The following MGST1 variants were observed in gnomAD, a reference collection of about 807,000 sequenced individuals.
MGST1 encodes the protein microsomal glutathione S-transferase 1, also known as glutathione S-transferase 12.
Under a neutral mutation model 8.9 loss-of-function variants are expected in MGST1, and 5 were observed. That is an observed-to-expected ratio of 0.56 (90% CI 0.29 to 1.19). MGST1 has a LOEUF of 1.19. MGST1 is among the 50% of genes most tolerant of loss of function. The pLI is 0.08. For missense variants in MGST1, 182 were observed against 187.4 expected, an observed-to-expected ratio of 0.97 and a Z score of 0.17; for synonymous variants, 54 against 67.8, an observed-to-expected ratio of 0.80 and a Z score of 1.00.
At chr12:16,432,303 G>T (rs1037702878) in intron 1 of MGST1, among the ~76,000 whole-genome samples, 1 of 152,194 alleles carries the variant, frequency 6.6e-6, no homozygotes, top group East Asian at 1.9e-4. Flanking sequence ...AACTTATCAC[G>T]TAGTGGATTC....
intron 4 of MGST1, among the ~76,000 whole-genome samples, chr12:16,466,194 C>T (rs1413624575): frequency 5.3e-5 from 8 of 152,140 alleles, no homozygotes; most frequent in Non-Finnish European, 1.5e-5. Context: ...CATTCATTGG[C>T]AGCTAGTCCC....
At chr12:16,425,877 C>T (rs1232066143) in intron 1 of MGST1, among the ~76,000 whole-genome samples, 1 of 152,176 alleles carries the variant, frequency 6.6e-6, no homozygotes, top group Non-Finnish European at 1.5e-5. Context: ...ATTTTCAAAC[C>T]TCTTCTCTCA....
intron 4 of MGST1, among the ~76,000 whole-genome samples, chr12:16,538,235 A>G (rs1223607066): frequency 6.6e-6 from 1 of 152,174 alleles, no homozygotes; most frequent in Non-Finnish European, 1.5e-5. Context: ...CCTTTGCTCC[A>G]GTTCCCAAGT....
At chr12:16,398,744 C>T (rs1228148614) in intron 1 of MGST1, among the ~76,000 whole-genome samples, 16 of 152,220 alleles carry the variant, frequency 1.1e-4, no homozygotes, top group Admixed American at 9.2e-4. Flanking sequence ...CCCAATCTGC[C>T]TCACTGGCTC....
intron 1 of MGST1, among the ~76,000 whole-genome samples, chr12:16,427,501 G>GCCTC (rs1940900650): frequency 6.6e-6 from 1 of 152,124 alleles, no homozygotes; most frequent in Non-Finnish European, 1.5e-5. Context: ...ACATGCCTCA[G>GCCTC]CCACTTGAGT....
chr12:16,554,021 T>TA (rs1200284992), intron 4 of MGST1, among the ~76,000 whole-genome samples: 1 of 152,266 alleles, frequency 6.6e-6, no homozygotes, highest in East Asian at 1.9e-4. Flanking sequence ...TACCCTCATT[T>TA]AAAAAAATTA....
chr12:16,532,307 C>T (rs576533399), intron 4 of MGST1, among the ~76,000 whole-genome samples: 17 of 152,192 alleles, frequency 1.1e-4, no homozygotes, highest in African/African-American at 3.4e-4. Flanking sequence ...GCATAAAAAA[C>T]GCCAAGGCCA....
chr12:16,506,786 A>G (rs1234954085), intron 4 of MGST1, among the ~76,000 whole-genome samples: 1 of 152,214 alleles, frequency 6.6e-6, no homozygotes, highest in African/African-American at 2.4e-5. Context: ...TTGACTGAAC[A>G]CTGGTATAGA....
downstream of MGST1, among the ~76,000 whole-genome samples, chr12:16,366,845 A>G (rs1450206470): frequency 6.6e-6 from 1 of 152,092 alleles, no homozygotes; most frequent in African/African-American, 2.4e-5. This position sits in a 1 kb window ranked among gnomAD's most constrained non-coding sequence, Gnocchi z 4.0. Context: ...GAAGATATTT[A>G]TCTGTATCTA....
intron 1 of MGST1, among the ~76,000 whole-genome samples, chr12:16,425,727 C>T (rs1940879789): frequency 6.6e-6 from 1 of 152,130 alleles, no homozygotes; most frequent in African/African-American, 2.4e-5. Context: ...TCAGAGCTCC[C>T]CTGTTCTTCA....
At chr12:16,433,284 G>T (rs1591726770) in intron 1 of MGST1, among the ~76,000 whole-genome samples, 1 of 152,036 alleles carries the variant, frequency 6.6e-6, no homozygotes, top group Non-Finnish European at 1.5e-5. Context: ...CTGAGGGTGG[G>T]TCTCCCTTTC....
intron 1 of MGST1, among the ~76,000 whole-genome samples, chr12:16,388,584 C>T (rs1352220090): frequency 6.6e-6 from 1 of 152,154 alleles, no homozygotes; most frequent in East Asian, 1.9e-4. Context: ...TACTGTATTC[C>T]CTGTTTATTA....
intron 1 of MGST1, among the ~76,000 whole-genome samples, chr12:16,393,153 T>G (rs533122337): frequency 6.6e-6 from 1 of 152,336 alleles, no homozygotes; most frequent in African/African-American, 2.4e-5. Flanking sequence ...ATAAACACAT[T>G]GCCAGAGCCC....
chr12:16,438,779 T>G (rs1374586979), downstream of MGST1: 2 of 151,908 alleles, frequency 1.3e-5, no homozygotes, highest in Non-Finnish European at 2.9e-5. Context: ...TGTTTGCATG[T>G]CTTATCTTTG....
chr12:16,399,118 C>G (rs1016662715), intron 1 of MGST1, among the ~76,000 whole-genome samples: 1 of 152,150 alleles, frequency 6.6e-6, no homozygotes. Flanking sequence ...CTGGAATGCT[C>G]CGAGTAGATT....
At chr12:16,494,541 T>C (rs1370417136) in intron 4 of MGST1, among the ~76,000 whole-genome samples, 1 of 152,186 alleles carries the variant, frequency 6.6e-6, no homozygotes, top group Non-Finnish European at 1.5e-5. Flanking sequence ...ATTGACAACA[T>C]TGACAAAATG....
chr12:16,376,344 C>T (rs1940380027), exon 4 of MGST1: 2 of 443,576 alleles, frequency 4.5e-6, no homozygotes, highest in South Asian at 8.3e-5. Context: ...GCTATTACTG[C>T]GGGAAGTACC....
chr12:16,458,765 A>C lies in MGST1; in HGVS notation n.482+75161A>C, dbSNP rs963542579. Among the ~76,000 whole-genome samples the C allele has an allele frequency of 1.3e-5, 2 of 152,076 alleles. No homozygotes were observed. The highest frequency in any genetic ancestry group is 2.4e-5 in the African/African-American group (1 of 41,456). ...ACTGGAATTGCAGCTTGCCTGCTGCAGTGCTTTGCAGTTATTCGGAATTTT... is the reference window on the plus strand; with the variant it reads ...ACTGGAATTGCAGCTTGCCTGCTGCCGTGCTTTGCAGTTATTCGGAATTTT... On this transcript the variant is annotated intron_variant and non_coding_transcript_variant, in intron 4 of 4. Coordinates refer to the MGST1 transcript ENST00000538857. The surrounding 1 kb of genome is among the most constrained non-coding windows in gnomAD (Gnocchi z 4.0).
rs1440206388 is a variant in MGST1, at chr12:16,513,864, C to G, written n.483-75664C>G. 1.6e-6 allele frequency: 1 copy of G among 611,190 alleles called. No individual in the cohort carries two copies. Among genetic ancestry groups the G allele is most frequent in the Admixed American group, 2.0e-5 (1 of 50,678 alleles). The allele number at this position is 611,190 out of a possible 1,614,324, so 37.9% of individuals were successfully genotyped here. On this transcript the variant is annotated intron_variant and non_coding_transcript_variant, in intron 4 of 4. Coordinates refer to the MGST1 transcript ENST00000538857. The surrounding 1 kb of genome is among the most constrained non-coding windows in gnomAD (Gnocchi z 4.2). ...AAGATGTCTTTCTGCCCAAACCAACCTGGGGAAGTCGCACACCCATCTTCA... is the reference window on the plus strand; with the variant it reads ...AAGATGTCTTTCTGCCCAAACCAACGTGGGGAAGTCGCACACCCATCTTCA...
Sources: gnomAD v4.1 joint callset for allele counts (sites outside exome capture counted in the v4.1 genomes callset) on GRCh38, gnomAD v4.1.1 for gene constraint, Gnocchi (gnomAD v3.1) non-coding constraint, MANE v1.5 for transcripts, NCBI Gene and HGNC (gene_info 2026-07-23, HGNC 2026-07-21) for gene names.